Variants in SORCS1 observed in about 807,000 individuals in gnomAD.
SORCS1 encodes the protein sortilin related VPS10 domain containing receptor 1.
Under a neutral mutation model 146.1 loss-of-function variants are expected in SORCS1, and 60 were observed. That is an observed-to-expected ratio of 0.41 (90% CI 0.33 to 0.51). The LOEUF (loss-of-function observed/expected upper bound fraction) is 0.51, where lower values mean the gene tolerates loss of function less well. SORCS1 is among the 20% of genes least tolerant of loss of function. The pLI is 0.21. For synonymous variants in SORCS1, 637 were observed against 584.0 expected, an observed-to-expected ratio of 1.09 and a Z score of -1.31; for missense variants, 1,352 against 1,487.6, an observed-to-expected ratio of 0.91 and a Z score of 1.50.
At chr10:107,056,613 A>G (rs939095409) in intron 1 of SORCS1, among the ~76,000 whole-genome samples, 1 of 152,234 alleles carries the variant, frequency 6.6e-6, no homozygotes, top group Non-Finnish European at 1.5e-5. Flanking sequence ...TAGCTAATTC[A>G]AACACTTATG....
chr10:106,613,769 C>T (rs1328559270), intron 21 of SORCS1, among the ~76,000 whole-genome samples: 1 of 152,146 alleles, frequency 6.6e-6, no homozygotes, highest in Non-Finnish European at 1.5e-5. Context: ...CCTGGCCCTA[C>T]ATAACCTGGT....
chr10:106,968,669 T>C (rs1196459674), intron 1 of SORCS1, among the ~76,000 whole-genome samples: 5 of 152,228 alleles, frequency 3.3e-5, no homozygotes, highest in African/African-American at 1.2e-4. Flanking sequence ...AATAATGCTA[T>C]GCATATTACT....
Position 106,579,462 on chromosome 10 carries a change from T to A in SORCS1, c.3278A>T (p.Asp1093Val). Reference protein sequence around the residue: ...AAHLTAAPLVDLTPTHSGSAM... With the variant: ...AAHLTAAPLVVLTPTHSGSAM... The stretch of plus-strand genomic sequence containing the variant: ...AGATCCACTGTGGGTTGGAGTGAGG[T>A]CCACCAGGGGGGCTTGTGGGGGAAA... Residue 1093 changes from aspartate (D) to valine (V), a missense_variant, in exon 25 of 26, where the codon GAC becomes GTC. Asp to Val is a radical substitution (Grantham distance 152). Transcript: ENST00000263054. 6.2e-7 allele frequency: 1 copy of A among 1,613,580 alleles called. No individual in the cohort carries two copies.
rs188121184 is a variant in SORCS1, at chr10:107,102,888, A to G, written c.558+61081T>C. Among the ~76,000 whole-genome samples, 97 of 152,350 alleles carry G rather than the reference A, an allele frequency of 6.4e-4. 1 individual carries two copies. Among genetic ancestry groups the G allele is most frequent in the Admixed American group, 6.3e-3 (96 of 15,298 alleles). ...CTGTCCACAATATTTTATTAGCATT[A>G]TGCTTACCCTACTGAGGAGTCACAA... On this transcript the variant is annotated intron_variant, in intron 1 of 25. Coordinates refer to ENST00000263054, the MANE Select transcript of SORCS1 (RefSeq NM_052918.5).
At chr10:106,965,347 G>A (rs748487973) in intron 1 of SORCS1, among the ~76,000 whole-genome samples, 2 of 152,088 alleles carry the variant, frequency 1.3e-5, no homozygotes, top group African/African-American at 2.4e-5. Context: ...CCTGCCACAT[G>A]CCCACATGCA....
intron 1 of SORCS1, among the ~76,000 whole-genome samples, chr10:106,992,459 C>T (rs916037240): frequency 6.6e-6 from 1 of 152,092 alleles, no homozygotes; most frequent in Non-Finnish European, 1.5e-5. Context: ...TGCAGACCCC[C>T]TTTTTCTAGT....
intron 3 of SORCS1, among the ~76,000 whole-genome samples, chr10:106,823,346 A>C (rs934291254): frequency 1.3e-5 from 2 of 152,218 alleles, no homozygotes; most frequent in Non-Finnish European, 2.9e-5. Flanking sequence ...AACAGACAAA[A>C]TTATACATTA....
chr10:106,693,503 G>A (rs191687162), intron 9 of SORCS1, among the ~76,000 whole-genome samples: 64 of 152,244 alleles, frequency 4.2e-4, no homozygotes, highest in African/African-American at 1.4e-3. Context: ...TTATTCAGTC[G>A]TTAGTACATT....
chr10:106,719,010 G>A (rs913672079), intron 6 of SORCS1, among the ~76,000 whole-genome samples: 1 of 152,126 alleles, frequency 6.6e-6, no homozygotes, highest in Non-Finnish European at 1.5e-5. Context: ...CAAACCTTTA[G>A]CTAGACACAA....
At chr10:106,926,828 TACACACACAC>T (rs869163147) in intron 2 of SORCS1, among the ~76,000 whole-genome samples, 2 of 29,584 alleles carry the variant, frequency 6.8e-5, no homozygotes, top group African/African-American at 1.1e-4. Flanking sequence ...GGAATATATA[TACACACACAC>T]ACACACACAC....
At chr10:106,995,263 G>C (rs543196536) in intron 1 of SORCS1, among the ~76,000 whole-genome samples, 1 of 149,912 alleles carries the variant, frequency 6.7e-6, no homozygotes, top group African/African-American at 2.5e-5. Flanking sequence ...GCAGTGAGCC[G>C]AGATCGCACC....
chr10:106,962,367 C>T (rs1589801198), intron 1 of SORCS1, among the ~76,000 whole-genome samples: 1 of 114,892 alleles, frequency 8.7e-6, no homozygotes, highest in Non-Finnish European at 1.6e-5. Context: ...GCACTCCAGC[C>T]TGGGCAACAA....
chr10:106,697,926 T>G (rs1853831243), intron 9 of SORCS1, among the ~76,000 whole-genome samples: 1 of 152,202 alleles, frequency 6.6e-6, no homozygotes, highest in South Asian at 2.1e-4. Context: ...GAATACAGTC[T>G]GAGGCTGTCA....
chr10:106,950,055 C>T (rs6584772), intron 2 of SORCS1, among the ~76,000 whole-genome samples: 8,003 of 152,276 alleles, frequency 0.053, 567 homozygotes, highest in African/African-American at 0.16. Flanking sequence ...GATAAAACCA[C>T]CACGCTCTCC....
intron 2 of SORCS1, among the ~76,000 whole-genome samples, chr10:106,954,772 C>G (rs1954854088): frequency 6.6e-6 from 1 of 152,092 alleles, no homozygotes; most frequent in Admixed American, 6.5e-5. Context: ...CGGCCTGCAC[C>G]TCCCCCATTT....
chr10:107,035,221 T>C (rs1326156817), intron 1 of SORCS1, among the ~76,000 whole-genome samples: 3 of 150,154 alleles, frequency 2.0e-5, no homozygotes, highest in Admixed American at 1.3e-4. Context: ...TGTGCCAGTG[T>C]TTTTCTAAGG....
In SORCS1 at chr10:106,677,348, A is replaced by G; in HGVS notation, c.1797T>C (p.Ala599=). 1 of 1,613,990 alleles carries G rather than the reference A, an allele frequency of 6.2e-7. No homozygotes were observed. Among genetic ancestry groups the G allele is most frequent in the Non-Finnish European group, 8.5e-7 (1 of 1,179,876 alleles). The change falls in exon 13 of 26, where the codon GCT becomes GCC. Residue 599 remains alanine (A), a synonymous_variant. Transcript: ENST00000263054. The stretch of plus-strand genomic sequence containing the variant: ...GAATTGGGAGAGATGTGTGTTTCAT[A>G]GCAACCAGGACTCCACCTTGATCCA... The part of the protein sequence containing the change: ...LYLDQGGVLV[A]MKHTSLPIRH...
At chr10:106,985,518 T>G (rs1195764885) in intron 1 of SORCS1, among the ~76,000 whole-genome samples, 2 of 151,710 alleles carry the variant, frequency 1.3e-5, no homozygotes, top group East Asian at 1.9e-4. Flanking sequence ...AGTCTATTCA[T>G]GTACTATTAT....
intron 1 of SORCS1, among the ~76,000 whole-genome samples, chr10:107,101,413 C>A (rs902390927): frequency 5.9e-5 from 9 of 152,178 alleles, no homozygotes; most frequent in African/African-American, 2.2e-4. Context: ...ACTGACATGT[C>A]TGTATCAACC....
Sources: gnomAD v4.1 joint callset for allele counts (sites outside exome capture counted in the v4.1 genomes callset) on GRCh38, gnomAD v4.1.1 for gene constraint, MANE v1.5 for transcripts, NCBI Gene and HGNC (gene_info 2026-07-23, HGNC 2026-07-21) for gene names.